Variants in TBX19 observed in about 807,000 individuals in gnomAD.
TBX19 encodes T-box transcription factor TBX19.
In TBX19, 33 loss-of-function variants were observed where a neutral mutation model predicts 40.9. That is an observed-to-expected ratio of 0.81 (90% CI 0.61 to 1.08). The LOEUF is 1.08. Ranked by LOEUF, TBX19 falls within the 50% of genes least tolerant of loss-of-function variation. The probability of loss-of-function intolerance (pLI) is 0.00; values close to 1 mark genes in which losing one functional copy is unlikely to be tolerated. For synonymous variants in TBX19, 220 were observed against 225.0 expected (o/e 0.98, Z 0.20); for missense variants, 494 against 574.0 (o/e 0.86, Z 1.42).
intron 6 of TBX19, chr1:168,308,487 C>A: frequency 2.1e-6 from 1 of 483,102 alleles, no homozygotes; most frequent in South Asian, 2.0e-5. Flanking sequence ...ATTCTACCAC[C>A]CTGAGGCGTA....
chr1:168,292,339 A>G (rs1025313234), intron 2 of TBX19, among the ~76,000 whole-genome samples: 1 of 152,212 alleles, frequency 6.6e-6, no homozygotes, highest in African/African-American at 2.4e-5. Flanking sequence ...GGAGACTGTC[A>G]TTACACCTTT....
chr1:168,287,089 G>A (rs1648823224), intron 1 of TBX19, among the ~76,000 whole-genome samples: 1 of 152,174 alleles, frequency 6.6e-6, no homozygotes, highest in Non-Finnish European at 1.5e-5. Flanking sequence ...ATTCTGGAAC[G>A]AAAAGTCATG....
At chr1:168,293,449 C>T (rs1649005918) in intron 3 of TBX19, among the ~76,000 whole-genome samples, 171 bp downstream of exon 3, 1 of 152,042 alleles carries the variant, frequency 6.6e-6, no homozygotes, top group East Asian at 1.9e-4. Context: ...AGCTGCTCTC[C>T]CTCCCTCTTG....
At chr1:168,299,816 T>C (rs956738266) in intron 4 of TBX19, among the ~76,000 whole-genome samples, 2 of 152,202 alleles carry the variant, frequency 1.3e-5, no homozygotes, top group Admixed American at 6.5e-5. Flanking sequence ...GACACACTTA[T>C]AACGTTTTCA....
chr1:168,282,852 A>G (rs1169211429), intron 1 of TBX19, among the ~76,000 whole-genome samples: 3 of 152,228 alleles, frequency 2.0e-5, no homozygotes, highest in African/African-American at 7.2e-5. Context: ...GCCATTTATT[A>G]AAGTAAAAAT....
chr1:168,295,243 A>T (rs1649071602), intron 3 of TBX19, among the ~76,000 whole-genome samples: 1 of 151,936 alleles, frequency 6.6e-6, no homozygotes, highest in South Asian at 2.1e-4. Context: ...GTGAGCCGAG[A>T]TTGCGCCACT....
chr1:168,304,919 A>G, intron 5 of TBX19, 89 bp from the exon 6 acceptor site: 1 of 1,316,876 alleles, frequency 7.6e-7, no homozygotes, highest in Admixed American at 1.7e-5. Context: ...ATTTACAAGA[A>G]TTGTAGCTGT....
At chr1:168,281,849 T>C (rs1204053477) in intron 1 of TBX19, among the ~76,000 whole-genome samples, 1 of 152,218 alleles carries the variant, frequency 6.6e-6, no homozygotes, top group Admixed American at 6.5e-5. Flanking sequence ...TGTGATGATA[T>C]GAAAGCTGTT....
chr1:168,304,951 T>C (rs1649363200), intron 5 of TBX19, 57 bp from the exon 6 acceptor site: 1 of 1,557,912 alleles, frequency 6.4e-7, no homozygotes, highest in South Asian at 1.1e-5. Flanking sequence ...GGTCACCTGA[T>C]TTTTGGTGTG....
chr1:168,294,012 G>T (rs1649032887), intron 3 of TBX19, among the ~76,000 whole-genome samples: 1 of 152,100 alleles, frequency 6.6e-6, no homozygotes, highest in South Asian at 2.1e-4. Flanking sequence ...AGCTATACGG[G>T]TTTCTTCCGC....
chr1:168,292,776 A>G (rs1054442509), intron 2 of TBX19, among the ~76,000 whole-genome samples: 1 of 147,820 alleles, frequency 6.8e-6, no homozygotes, highest in African/African-American at 2.5e-5. Flanking sequence ...AGGCAGGAGA[A>G]TGGCGTGAAC....
chr1:168,284,646 C>T lies in TBX19; in HGVS notation c.203+3353C>T, dbSNP rs1289763727. Among the ~76,000 whole-genome samples, 3 of 151,794 alleles carry T rather than the reference C, an allele frequency of 2.0e-5. No homozygotes were observed. The East Asian group carries it at 5.8e-4, about 29-fold the overall frequency. On this transcript the variant is annotated intron_variant, in intron 1 of 7. Coordinates refer to ENST00000367821, the MANE Select transcript of TBX19 (RefSeq NM_005149.3). ...AAAAAATTAGCTGGGCATGGTGACACCTACCTGTAGTCCCAGCTACTTGGG... is the reference window on the plus strand; with the variant it reads ...AAAAAATTAGCTGGGCATGGTGACATCTACCTGTAGTCCCAGCTACTTGGG...
rs1404734579 is a variant in TBX19, at chr1:168,280,985, C to T, written c.-106C>T. 6 of 1,087,132 alleles carry T rather than the reference C, an allele frequency of 5.5e-6. No individual in the cohort carries two copies. The highest frequency in any genetic ancestry group is 1.3e-5 in the South Asian group (1 of 75,564). 67.3% of individuals were successfully genotyped at this position (1,087,132 alleles called of 1,614,324 possible). A position where few individuals can be genotyped will look rare whatever the true frequency, so the allele number is the denominator to read the frequency against. ...GAGCCAGGGTATCTTCTCTCCGCTC[C>T]CCAAGCACTGTTCAAGTGGGTTTGA... On this transcript the variant is annotated 5_prime_UTR_variant, in exon 1 of 8. Transcript: ENST00000367821.
chr1:168,308,431 CTG>C (rs1213358204), intron 6 of TBX19: 3 of 381,288 alleles, frequency 7.9e-6, no homozygotes, highest in Admixed American at 3.8e-5. Flanking sequence ...AAGAGAGTGA[CTG>C]TGGTGAAATG....
intron 4 of TBX19, among the ~76,000 whole-genome samples, chr1:168,298,823 CTTT>C (rs1558192738): frequency 0.16 from 2,399 of 15,330 alleles, 556 homozygotes; most frequent in Non-Finnish European, 0.18. Context: ...CCCTCCCTTC[CTTT>C]CTTTCTTTCT....
intron 1 of TBX19, among the ~76,000 whole-genome samples, chr1:168,288,815 C>A (rs907553114): frequency 1.3e-5 from 2 of 151,642 alleles, no homozygotes; most frequent in Admixed American, 6.6e-5. Context: ...GCCTGGAGTA[C>A]AGTGGTGTGA....
intron 5 of TBX19, 44 bp from the exon 6 acceptor site, chr1:168,304,964 A>G: frequency 6.3e-7 from 1 of 1,597,618 alleles, no homozygotes; most frequent in Non-Finnish European, 8.6e-7. Context: ...TTGGTGTGGG[A>G]GTTCACAGAC....
intron 3 of TBX19, among the ~76,000 whole-genome samples, chr1:168,296,512 G>A (rs1000262309): frequency 2.0e-5 from 3 of 152,090 alleles, no homozygotes; most frequent in Non-Finnish European, 1.5e-5. Flanking sequence ...ATCAGATCTC[G>A]TGAGACTTAT....
intron 2 of TBX19, among the ~76,000 whole-genome samples, chr1:168,291,714 C>T (rs1572475355): frequency 6.6e-6 from 1 of 152,164 alleles, no homozygotes; most frequent in Admixed American, 6.5e-5. Context: ...TTTTACCCAG[C>T]TCTAGGAGGG....
Sources: gnomAD v4.1 joint callset for allele counts (sites outside exome capture counted in the v4.1 genomes callset) on GRCh38, gnomAD v4.1.1 for gene constraint, MANE v1.5 for transcripts, NCBI Gene and HGNC (gene_info 2026-07-23, HGNC 2026-07-21) for gene names.